The following ESR1 variants were observed in gnomAD, a reference collection of about 807,000 sequenced individuals.
ESR1 encodes the protein estrogen receptor.
A neutral mutation model predicts 52.7 loss-of-function variants in ESR1; 12 were observed. The ratio of observed to expected loss-of-function variants is 0.23; its 90% CI spans 0.15 to 0.37. The LOEUF (loss-of-function observed/expected upper bound fraction) is 0.37. Among genes scored for constraint, ESR1 ranks in the 10% least tolerant of loss-of-function variants. The probability of loss-of-function intolerance (pLI) is 1.00; values close to 1 mark genes in which losing one functional copy is unlikely to be tolerated. For synonymous variants in ESR1, 305 were observed against 316.8 expected, an observed-to-expected ratio of 0.96 and a Z score of 0.39; for missense variants, 584 against 779.7, an observed-to-expected ratio of 0.75 and a Z score of 2.99.
chr6:151,861,273 A>C (rs1243083890), intron 2 of ESR1, among the ~76,000 whole-genome samples: 1 of 152,218 alleles, frequency 6.6e-6, no homozygotes, highest in East Asian at 1.9e-4. Flanking sequence ...AGTAAATTTT[A>C]AAAAGCTAAA....
chr6:152,022,788 A>G (rs961692986), intron 5 of ESR1, among the ~76,000 whole-genome samples: 7 of 149,248 alleles, frequency 4.7e-5, no homozygotes, highest in Admixed American at 3.3e-4. Flanking sequence ...CCTGACCAAC[A>G]TGGAGAAACC....
intron 2 of ESR1, among the ~76,000 whole-genome samples, chr6:151,773,137 G>C (rs1785652420): frequency 6.6e-6 from 1 of 152,150 alleles, no homozygotes. Context: ...AGTATGACTG[G>C]TGTCCTTATT....
chr6:152,082,979 G>C (rs1404619913), intron 6 of ESR1, among the ~76,000 whole-genome samples: 1 of 152,144 alleles, frequency 6.6e-6, no homozygotes, highest in South Asian at 2.1e-4. Context: ...CAAACAAATG[G>C]AAGAACATTC....
intron 2 of ESR1, among the ~76,000 whole-genome samples, chr6:151,702,869 G>T (rs1372659940): frequency 6.6e-6 from 1 of 152,186 alleles, no homozygotes; most frequent in Non-Finnish European, 1.5e-5. Context: ...TTGAGAGGCT[G>T]TGTATCTATG....
intron 5 of ESR1, among the ~76,000 whole-genome samples, chr6:152,050,514 G>T (rs2046597177): frequency 6.6e-6 from 1 of 152,030 alleles, no homozygotes; most frequent in South Asian, 2.1e-4. Context: ...TCCAGACACT[G>T]CCTTCTCTAA....
At chr6:152,068,867 A>C (rs1357646122) in intron 6 of ESR1, among the ~76,000 whole-genome samples, 1 of 140,080 alleles carries the variant, frequency 7.1e-6, no homozygotes, top group Non-Finnish European at 1.5e-5. Flanking sequence ...TGCCTGCATA[A>C]AAATGAGTAA....
At chr6:152,043,207 A>T (rs970879143) in intron 5 of ESR1, among the ~76,000 whole-genome samples, 2 of 152,184 alleles carry the variant, frequency 1.3e-5, no homozygotes, top group African/African-American at 4.8e-5. Flanking sequence ...CAGCTCACTC[A>T]CAGTGGGCCA....
At chr6:151,704,105 G>A (rs1304547278) in intron 2 of ESR1, among the ~76,000 whole-genome samples, 1 of 152,110 alleles carries the variant, frequency 6.6e-6, no homozygotes, top group East Asian at 1.9e-4. Flanking sequence ...AGATTCTAAG[G>A]GCTAAAAAAT....
At chr6:151,896,862 A>C (rs1795604413) in intron 3 of ESR1, among the ~76,000 whole-genome samples, 1 of 152,034 alleles carries the variant, frequency 6.6e-6, no homozygotes, top group South Asian at 2.1e-4. Context: ...TGTATCCCAG[A>C]GGTTTGGATG....
intron 2 of ESR1, among the ~76,000 whole-genome samples, chr6:151,728,535 T>A (rs1424897874): frequency 6.6e-6 from 1 of 152,232 alleles, no homozygotes; most frequent in African/African-American, 2.4e-5. Context: ...CCTTTGAATT[T>A]TTTGGCAGCT....
chr6:151,672,995 T>A (rs1355259168), intron 1 of ESR1, among the ~76,000 whole-genome samples: 2 of 140,880 alleles, frequency 1.4e-5, no homozygotes, highest in Non-Finnish European at 1.5e-5. Flanking sequence ...CGCCCAGCTA[T>A]TTTTTTTTGT....
chr6:151,944,643 T>C (rs2035491847), intron 4 of ESR1, 135 bp downstream of exon 4: 1 of 752,628 alleles, frequency 1.3e-6, no homozygotes, highest in African/African-American at 1.7e-5. Context: ...GGAGATGTGT[T>C]CATTTTCAGT....
chr6:151,681,811 T>A (rs1187149555), intron 1 of ESR1, among the ~76,000 whole-genome samples: 1 of 152,092 alleles, frequency 6.6e-6, no homozygotes, highest in Admixed American at 6.5e-5. Flanking sequence ...GAGGCGGTGC[T>A]TTCTGCCAAA....
At chr6:152,011,869 A>T (rs993447372) in intron 5 of ESR1, 75 bp downstream of exon 5, 2 of 1,515,524 alleles carry the variant, frequency 1.3e-6, no homozygotes, top group Non-Finnish European at 1.8e-6. Context: ...TATTTTATTC[A>T]TCTCTCGGTG....
At chr6:151,731,662 T>C (rs1316813557) in intron 2 of ESR1, among the ~76,000 whole-genome samples, 1 of 152,198 alleles carries the variant, frequency 6.6e-6, no homozygotes, top group Admixed American at 6.5e-5. Flanking sequence ...AAACTGATCA[T>C]ATTTTATTCT....
chr6:151,999,022 C>T (rs551795847), intron 4 of ESR1, among the ~76,000 whole-genome samples: 268 of 152,148 alleles, frequency 1.8e-3, no homozygotes, highest in Non-Finnish European at 2.8e-3. Context: ...GTTGTATCAG[C>T]GTCAATGTCT....
At chr6:151,844,910 AAAGT>A (rs1178717518) in intron 2 of ESR1, among the ~76,000 whole-genome samples, 2 of 152,208 alleles carry the variant, frequency 1.3e-5, no homozygotes, top group Non-Finnish European at 2.9e-5. Context: ...ATACAATCAG[AAAGT>A]AAGTCAGTAT....
intron 5 of ESR1, among the ~76,000 whole-genome samples, chr6:152,022,884 G>A (rs898523083): frequency 9.9e-5 from 15 of 151,852 alleles, no homozygotes; most frequent in African/African-American, 3.6e-4. Flanking sequence ...GGCTGAGGCA[G>A]GAGAATCACT....
In ESR1 at chr6:151,849,994, A is replaced by ATAATTTTGTATATATATATAAAAT. The variant is rs1554268083; in HGVS notation, c.643+7209_643+7210insATTTTGTATATATATATAAAATTA. Among the ~76,000 whole-genome samples the ATAATTTTGTATATATATATAAAAT allele has an allele frequency of 1.1e-4, 12 of 105,090 alleles. No homozygotes were observed. The South Asian group carries it at 1.1e-3, about 10-fold the overall frequency. 68.9% of individuals were successfully genotyped at this position (105,090 alleles called of 152,430 possible). A position where few individuals can be genotyped will look rare whatever the true frequency, so the allele number is the denominator to read the frequency against. On this transcript the variant is annotated intron_variant, in intron 2 of 7. Coordinates refer to ENST00000206249, the MANE Select transcript of ESR1 (RefSeq NM_000125.4). ...CCTAGGGAATTATATATATATATAT[A>ATAATTTTGTATATATATATAAAAT]TATATATATATAATTTTGTATATAT...
Sources: gnomAD v4.1 joint callset for allele counts (sites outside exome capture counted in the v4.1 genomes callset) on GRCh38, gnomAD v4.1.1 for gene constraint, MANE v1.5 for transcripts, NCBI Gene and HGNC (gene_info 2026-07-23, HGNC 2026-07-21) for gene names.